Variants in MRS2 observed in about 807,000 individuals in gnomAD.
The protein encoded by MRS2 is magnesium transporter MRS2 homolog, mitochondrial.
A neutral mutation model predicts 52.6 loss-of-function variants in MRS2; 40 were observed. The observed-to-expected ratio is 0.76, with a 90% CI of 0.59 to 0.99. The LOEUF (loss-of-function observed/expected upper bound fraction) is 0.99. MRS2 is among the 50% of genes least tolerant of loss of function. The pLI, the probability that MRS2 is intolerant of heterozygous loss-of-function variation, is 0.00. For missense variants in MRS2, 472 were observed against 532.7 expected, an observed-to-expected ratio of 0.89 and a Z score of 1.12; for synonymous variants, 193 against 195.9, an observed-to-expected ratio of 0.98 and a Z score of 0.13.
chr6:24,418,627 G>A (rs1192554590), intron 9 of MRS2, 49 bp downstream of exon 9: 5 of 1,389,040 alleles, frequency 3.6e-6, no homozygotes, highest in South Asian at 1.2e-5. Flanking sequence ...GGCCGGGCAT[G>A]GTGGCTCATG....
At position 24,409,538 on chromosome 6, in the gene MRS2, A is replaced by C. The variant is rs759978063; in HGVS notation, c.379A>C (p.Thr127Pro). The C allele has an allele frequency of 1.2e-6, 2 of 1,605,666 alleles. No individual in the cohort carries two copies. Among genetic ancestry groups the C allele is most frequent in the South Asian group, 2.2e-5 (2 of 90,236 alleles). Residue 127 changes from threonine (T) to proline (P), a missense_variant, in exon 4 of 11, where the codon ACA (threonine) becomes CCA (proline). Physicochemically the swap from Thr to Pro is conservative, Grantham distance 38. Coordinates refer to ENST00000378386, the MANE Select transcript of MRS2 (RefSeq NM_020662.4). ...DLRFQHVMSI[T>P]VRNNRIIMRM... ...GAGATTTCAGCATGTAATGAGTATC[A>C]CAGTCAGAAACAATAGGATTATCAT... is the stretch of plus-strand genomic sequence containing the variant.
intron 7 of MRS2, 123 bp from the exon 8 acceptor site, chr6:24,417,958 AGAC>A (rs200460327): frequency 1.0e-5 from 7 of 668,944 alleles, no homozygotes; most frequent in Non-Finnish European, 1.4e-5. Flanking sequence ...AAAAAAGACA[AGAC>A]AAGACAAAGG....
chr6:24,413,390 C>A (rs560054911), intron 5 of MRS2, among the ~76,000 whole-genome samples: 1 of 151,966 alleles, frequency 6.6e-6, no homozygotes, highest in East Asian at 1.9e-4. Context: ...GATTTCCTTA[C>A]GAAACAACAC....
Position 24,403,040 on chromosome 6 carries a change from C to G in MRS2, c.-7C>G. Reference sequence around the variant, plus strand: ...TCTGGCTGCTGCCTGCTTCTTGCTCCAGCACCATGGAATGCCTGCGCAGTT... The same window carrying G: ...TCTGGCTGCTGCCTGCTTCTTGCTCGAGCACCATGGAATGCCTGCGCAGTT... On this transcript the variant is annotated 5_prime_UTR_variant, in exon 1 of 11. Coordinates refer to ENST00000378386, the MANE Select transcript of MRS2 (RefSeq NM_020662.4). 6.3e-7 allele frequency: 1 copy of G among 1,596,972 alleles called. No individual in the cohort carries two copies. Among genetic ancestry groups the G allele is most frequent in the Non-Finnish European group, 8.5e-7 (1 of 1,173,240 alleles).
Position 24,423,703 on chromosome 6 carries a change from C to CCTA in MRS2, c.*10_*11insTAC, listed in dbSNP as rs1483155527. On this transcript the variant is annotated 3_prime_UTR_variant, in exon 11 of 11. Coordinates refer to ENST00000378386, the MANE Select transcript of MRS2 (RefSeq NM_020662.4). Reference sequence around the variant, plus strand: ...TCCTAACAAACCGTTAGGAACAGCCCCGTGGATACTGAAGTTTTTTTTATG... The same window carrying CCTA: ...TCCTAACAAACCGTTAGGAACAGCCCCTACGTGGATACTGAAGTTTTTTTTATG... 6.9e-7 allele frequency: 1 copy of CCTA among 1,454,498 alleles called. No homozygotes were observed. Among genetic ancestry groups the CCTA allele is most frequent in the Admixed American group, 1.9e-5 (1 of 51,720 alleles). 90.1% of individuals were successfully genotyped at this position (1,454,498 alleles called of 1,614,324 possible). A position where few individuals can be genotyped will look rare whatever the true frequency, so the allele number is the denominator to read the frequency against.
chr6:24,420,881 T>G (rs1318077891), intron 9 of MRS2, among the ~76,000 whole-genome samples: 1 of 152,122 alleles, frequency 6.6e-6, no homozygotes, highest in Non-Finnish European at 1.5e-5. Context: ...CAGATGCAGA[T>G]AAGTATGATC....
rs45529031 is a variant in MRS2 at position 24,418,830 on chromosome 6, C to T, written c.1107+252C>T. 10,276 of 329,964 alleles carry T rather than the reference C, an allele frequency of 0.031. 287 individuals carry two copies. The highest frequency in any genetic ancestry group is 0.039 in the Non-Finnish European group (6,672 of 172,498). 20.4% of individuals were successfully genotyped at this position (329,964 alleles called of 1,614,324 possible). A position where few individuals can be genotyped will look rare whatever the true frequency, so the allele number is the denominator to read the frequency against. On this transcript the variant is annotated intron_variant, in intron 9 of 10. Coordinates refer to ENST00000378386, the MANE Select transcript of MRS2 (RefSeq NM_020662.4). ...AGGAGAATCACTTGAACCCGGGAGG[C>T]GGAGGTTGCAGTGAGCTGAGATCGC...
chr6:24,410,881 C>T, intron 4 of MRS2: 1 of 742,440 alleles, frequency 1.3e-6, no homozygotes, highest in South Asian at 1.8e-5. Flanking sequence ...AATCTTTCAA[C>T]TTTTCTGTAT....
rs554837533 is a variant in MRS2 at position 24,422,668 on chromosome 6, A to G, written c.1108-269A>G. On this transcript the variant is annotated intron_variant, in intron 9 of 10. Transcript: ENST00000378386. The stretch of plus-strand genomic sequence containing the variant: ...GCATCATGACTTAAGATTTGCACGC[A>G]TGTAAACAAAGGCTGCAAAGAAACA... Among the ~76,000 whole-genome samples the G allele has an allele frequency of 3.9e-5, 6 of 152,352 alleles. No individual in the cohort carries two copies. The East Asian group carries it at 7.7e-4, about 20-fold the overall frequency.
chr6:24,412,686 G>T (rs975396212), intron 5 of MRS2, among the ~76,000 whole-genome samples: 1 of 152,092 alleles, frequency 6.6e-6, no homozygotes, highest in South Asian at 2.1e-4. Flanking sequence ...ACAATCCTTT[G>T]TTTGAGCCAG....
intron 2 of MRS2, among the ~76,000 whole-genome samples, chr6:24,405,973 T>C (rs1178042813): frequency 1.3e-5 from 2 of 151,380 alleles, no homozygotes; most frequent in African/African-American, 2.4e-5. Context: ...GGCCTGGTGG[T>C]GGGCGCCTGT....
intron 2 of MRS2, among the ~76,000 whole-genome samples, chr6:24,405,537 C>G (rs530730931): frequency 5.3e-5 from 8 of 151,028 alleles, no homozygotes; most frequent in Non-Finnish European, 8.8e-5. Context: ...CAGGCAGAAG[C>G]ATTTTGAAGG....
At chr6:24,422,230 C>A (rs1012750385) in intron 9 of MRS2, among the ~76,000 whole-genome samples, 22 of 152,198 alleles carry the variant, frequency 1.4e-4, no homozygotes, top group African/African-American at 5.3e-4. Flanking sequence ...AGTTGTGTAA[C>A]AGGCTATCTT....
chr6:24,416,673 A>G (rs1299896268), intron 7 of MRS2, among the ~76,000 whole-genome samples, 160 bp downstream of exon 7: 1 of 152,176 alleles, frequency 6.6e-6, no homozygotes, highest in East Asian at 1.9e-4. Flanking sequence ...GCAGTATCGT[A>G]TCTAATTCAA....
intron 3 of MRS2, 83 bp downstream of exon 3, chr6:24,408,527 T>TC: frequency 2.9e-6 from 3 of 1,023,468 alleles, no homozygotes; most frequent in South Asian, 1.3e-5. Context: ...GTATTTTGAG[T>TC]AAAATATTCT....
chr6:24,422,909 G>T (rs186647514), intron 9 of MRS2, 28 bp from the exon 10 acceptor site: 4 of 1,505,908 alleles, frequency 2.7e-6, no homozygotes, highest in South Asian at 1.2e-5. Context: ...GGCGTTTTGC[G>T]ATGGAAATGA....
chr6:24,421,822 T>C (rs556536342), intron 9 of MRS2, among the ~76,000 whole-genome samples: 4 of 152,344 alleles, frequency 2.6e-5, no homozygotes, highest in Non-Finnish European at 5.9e-5. Flanking sequence ...ATCTCAGTAG[T>C]GCTTTTTATC....
At chr6:24,412,690 G>T (rs1761707644) in intron 5 of MRS2, among the ~76,000 whole-genome samples, 1 of 152,062 alleles carries the variant, frequency 6.6e-6, no homozygotes, top group South Asian at 2.1e-4. Flanking sequence ...TCCTTTGTTT[G>T]AGCCAGGTAA....
In MRS2 at chr6:24,403,050, G is replaced by T; in HGVS notation, c.4G>T (p.Glu2Ter). The change falls in exon 1 of 11, where the codon GAA becomes TAA. Residue 2 changes from glutamate (E) to a stop codon, truncating the protein, a stop_gained. Coordinates refer to ENST00000378386, the MANE Select transcript of MRS2 (RefSeq NM_020662.4). LOFTEE classifies it high-confidence loss of function. M[E>*]CLRSLPCLLP... Reference sequence around the variant, plus strand: ...GCCTGCTTCTTGCTCCAGCACCATGGAATGCCTGCGCAGTTTACCCTGCCT... The same window carrying T: ...GCCTGCTTCTTGCTCCAGCACCATGTAATGCCTGCGCAGTTTACCCTGCCT... 2 of 1,603,786 alleles carry T rather than the reference G, an allele frequency of 1.2e-6. No homozygotes were observed.
Sources: gnomAD v4.1 joint callset for allele counts (sites outside exome capture counted in the v4.1 genomes callset) on GRCh38, gnomAD v4.1.1 for gene constraint, MANE v1.5 for transcripts, NCBI Gene and HGNC (gene_info 2026-07-23, HGNC 2026-07-21) for gene names.